RAB27A: variants seen among roughly 807,000 people sequenced by gnomAD.
RAB27A encodes ras-related protein Rab-27A.
Under a neutral mutation model 20.8 loss-of-function variants are expected in RAB27A, and 17 were observed. The ratio of observed to expected loss-of-function variants is 0.82; its 90% CI spans 0.56 to 1.23. The LOEUF (loss-of-function observed/expected upper bound fraction) is 1.23. RAB27A is among the 50% of genes most tolerant of loss of function. The probability of loss-of-function intolerance (pLI) is 0.00; values close to 1 mark genes in which losing one functional copy is unlikely to be tolerated. For synonymous variants in RAB27A, 85 were observed against 92.8 expected, an observed-to-expected ratio of 0.92 and a Z score of 0.48; for missense variants, 277 against 266.7, an observed-to-expected ratio of 1.04 and a Z score of -0.27.
intron 1 of RAB27A, among the ~76,000 whole-genome samples, chr15:55,283,795 TC>T (rs1412572651): frequency 6.6e-6 from 1 of 152,128 alleles, no homozygotes; most frequent in East Asian, 1.9e-4. Context: ...GTTTCATTTC[TC>T]CCCTTATTAG....
chr15:55,294,678 T>G (rs1399244872), upstream of RAB27A, among the ~76,000 whole-genome samples: 1 of 140,326 alleles, frequency 7.1e-6, no homozygotes, highest in East Asian at 2.1e-4. Context: ...TACACAAAAA[T>G]TAACTCAAAA....
At chr15:55,256,286 T>C (rs925184380) in intron 2 of RAB27A, among the ~76,000 whole-genome samples, 1 of 152,136 alleles carries the variant, frequency 6.6e-6, no homozygotes, top group African/African-American at 2.4e-5. Context: ...AGGTGGCCTG[T>C]GCCAGTAGTC....
At chr15:55,282,325 G>A (rs900719572) in intron 1 of RAB27A, among the ~76,000 whole-genome samples, 3 of 152,218 alleles carry the variant, frequency 2.0e-5, no homozygotes, top group Non-Finnish European at 2.9e-5. Context: ...AATTAGCTAT[G>A]TGACCTGAGG....
rs1178582259 is a variant in RAB27A at position 55,277,458 on chromosome 15, C to T, written c.-142-7174G>A. 2.6e-5 allele frequency among the ~76,000 whole-genome samples: 4 copies of T among 152,278 alleles called. 1 individual carries two copies. Among genetic ancestry groups the T allele is most frequent in the African/African-American group, 9.6e-5 (4 of 41,556 alleles). On this transcript the variant is annotated intron_variant, in intron 1 of 6. Coordinates refer to ENST00000336787, the MANE Select transcript of RAB27A (RefSeq NM_183235.3). ...AGGAGTTCGAGACCAGCCTGTTTGTCTCCATAATAAATGGCTCCTGACTGC... is the reference window on the plus strand; with the variant it reads ...AGGAGTTCGAGACCAGCCTGTTTGTTTCCATAATAAATGGCTCCTGACTGC...
chr15:55,271,449 GGT>G (rs1897702869), intron 1 of RAB27A, among the ~76,000 whole-genome samples: 1 of 152,170 alleles, frequency 6.6e-6, no homozygotes, highest in African/African-American at 2.4e-5. Flanking sequence ...AAGCACTCCA[GGT>G]GATTCTGATA....
chr15:55,280,983 T>C (rs1898001984), intron 1 of RAB27A, among the ~76,000 whole-genome samples: 1 of 152,218 alleles, frequency 6.6e-6, no homozygotes, highest in Non-Finnish European at 1.5e-5. Context: ...TGCATGTGTC[T>C]CTATAGTAGC....
chr15:55,316,096 G>C (rs1049400887), intron 1 of RAB27A, among the ~76,000 whole-genome samples: 9 of 152,100 alleles, frequency 5.9e-5, no homozygotes, highest in African/African-American at 2.2e-4. Flanking sequence ...GCTAGGTGTG[G>C]TGGTGCACAC....
At chr15:55,262,565 G>A (rs1897312391) in intron 2 of RAB27A, among the ~76,000 whole-genome samples, 1 of 147,582 alleles carries the variant, frequency 6.8e-6, no homozygotes, top group Admixed American at 6.8e-5. Flanking sequence ...AAATAGGTAA[G>A]AACAAAACAA....
At chr15:55,212,530 A>T (rs185517782) in intron 6 of RAB27A, among the ~76,000 whole-genome samples, 82 of 128,756 alleles carry the variant, frequency 6.4e-4, no homozygotes, top group South Asian at 1.9e-3. Flanking sequence ...AGAGCAACAA[A>T]TCTTTTTTTT....
upstream of RAB27A, among the ~76,000 whole-genome samples, chr15:55,290,582 G>A (rs1358132082): frequency 6.6e-6 from 1 of 152,242 alleles, no homozygotes; most frequent in South Asian, 2.1e-4. Context: ...GTATGTTAAG[G>A]AACCGCCTCT....
At chr15:55,313,117 T>G (rs189837432) in intron 2 of RAB27A, among the ~76,000 whole-genome samples, 7 of 152,312 alleles carry the variant, frequency 4.6e-5, no homozygotes, top group Admixed American at 4.6e-4. Flanking sequence ...TACTTTTAAG[T>G]GCATAGGAAA....
intron 1 of RAB27A, among the ~76,000 whole-genome samples, chr15:55,288,517 T>C (rs1222553279): frequency 2.0e-5 from 3 of 150,812 alleles, no homozygotes; most frequent in African/African-American, 7.3e-5. Flanking sequence ...TGAGACTCTG[T>C]CTCAAAAGAA....
At chr15:55,245,006 A>G (rs1896633880) in intron 2 of RAB27A, among the ~76,000 whole-genome samples, 1 of 152,188 alleles carries the variant, frequency 6.6e-6, no homozygotes, top group Admixed American at 6.5e-5. Context: ...CATAACAGAG[A>G]CACCAAAAGC....
chr15:55,306,582 C>T (rs528477459), intron 2 of RAB27A, among the ~76,000 whole-genome samples: 2 of 152,306 alleles, frequency 1.3e-5, no homozygotes, highest in Admixed American at 1.3e-4. Flanking sequence ...ACAGTGGCTC[C>T]AAGTCCTCCA....
intron 6 of RAB27A, among the ~76,000 whole-genome samples, chr15:55,205,918 C>G (rs1894627096): frequency 6.6e-6 from 1 of 152,084 alleles, no homozygotes; most frequent in Admixed American, 6.6e-5. Context: ...TTAGACTCTT[C>G]AAAATATCAA....
At chr15:55,296,272 C>T (rs953276763) in intron 2 of RAB27A, among the ~76,000 whole-genome samples, 1 of 150,016 alleles carries the variant, frequency 6.7e-6, no homozygotes, top group Non-Finnish European at 1.5e-5. Flanking sequence ...TTTGGGAGGC[C>T]GAGGTGGGCA....
At chr15:55,268,945 A>G (rs1039627892) in intron 2 of RAB27A, among the ~76,000 whole-genome samples, 1 of 152,200 alleles carries the variant, frequency 6.6e-6, no homozygotes, top group Non-Finnish European at 1.5e-5. Flanking sequence ...ATCCACCCTC[A>G]TGGTCTCTTC....
In RAB27A at chr15:55,274,797, TA is replaced by T. The variant is rs1566932786; in HGVS notation, c.-142-4514del. On this transcript the variant is annotated intron_variant, in intron 1 of 6. Coordinates refer to ENST00000336787, the MANE Select transcript of RAB27A (RefSeq NM_183235.3). ...CGTCCTTAAAAAAATAAATAAATTA[TA>T]TATATATATATATATATATATATAT... 4.0e-3 allele frequency among the ~76,000 whole-genome samples: 337 copies of T among 83,730 alleles called. 8 individuals are homozygous for T. Among genetic ancestry groups the T allele is most frequent in the African/African-American group, 0.015 (306 of 20,936 alleles). 54.9% of individuals were successfully genotyped at this position (83,730 alleles called of 152,430 possible).
At chr15:55,232,095 T>TA (rs1220227703) in intron 3 of RAB27A, among the ~76,000 whole-genome samples, 1 of 152,148 alleles carries the variant, frequency 6.6e-6, no homozygotes, top group African/African-American at 2.4e-5. Context: ...AAATAAAAGC[T>TA]AAGGCAGAGT....
Sources: gnomAD v4.1 joint callset for allele counts (sites outside exome capture counted in the v4.1 genomes callset) on GRCh38, gnomAD v4.1.1 for gene constraint, MANE v1.5 for transcripts, NCBI Gene and HGNC (gene_info 2026-07-23, HGNC 2026-07-21) for gene names.